BPIFB6: variants seen among roughly 807,000 people sequenced by gnomAD.
BPIFB6 encodes BPI fold containing family B member 6, also known as BPI fold-containing family B member 6.
Under a neutral mutation model 54.7 loss-of-function variants are expected in BPIFB6, and 47 were observed. The ratio of observed to expected loss-of-function variants is 0.86; its 90% confidence interval spans 0.68 to 1.10. BPIFB6 has a LOEUF of 1.10. BPIFB6 is among the 50% of genes least tolerant of loss of function. The pLI is 0.00. For synonymous variants in BPIFB6, 255 were observed against 225.9 expected (o/e 1.13, Z -1.16); for missense variants, 603 against 564.1 (o/e 1.07, Z -0.70).
rs1477177389 is a variant in BPIFB6, at chr20:33,039,514, A to G, written c.1068A>G (p.Leu356=). ...RSKAPMSLFL[L]EVHFNLKVQY... is the part of the protein sequence containing the mutation. The stretch of plus-strand genomic sequence containing the variant: ...AGGCTCCAATGTCCCTCTTTCTCCT[A>G]GAAGTGGTGAGGGAAATCGTTCCCT... The change falls in exon 10 of 15, where the codon CTA becomes CTG. Residue 356 remains leucine (L), a synonymous_variant. Transcript: ENST00000349552. The G allele has an allele frequency of 6.2e-7, 1 of 1,604,766 alleles. No homozygotes were observed. Among genetic ancestry groups the G allele is most frequent in the Non-Finnish European group, 8.5e-7 (1 of 1,176,070 alleles).
At chr20:33,034,338 T>C (rs371606185) in intron 3 of BPIFB6, 48 bp downstream of exon 3, 2 of 1,293,112 alleles carry the variant, frequency 1.5e-6, no homozygotes, top group Non-Finnish European at 2.3e-6. Context: ...GGCCTTCCTG[T>C]CTCATCCTTA....
chr20:33,043,955 C>G (rs1979699345), intron 14 of BPIFB6, 60 bp from the exon 15 acceptor site: 5 of 1,589,378 alleles, frequency 3.1e-6, no homozygotes, highest in Non-Finnish European at 4.3e-6. Flanking sequence ...CAGTTCCATT[C>G]CATCCCTGGG....
chr20:33,043,921 G>A (rs1979698168), intron 14 of BPIFB6, 94 bp from the exon 15 acceptor site: 1 of 1,493,914 alleles, frequency 6.7e-7, no homozygotes, highest in Non-Finnish European at 9.3e-7. Flanking sequence ...CACCACACTG[G>A]TTTCCATTTC....
intron 3 of BPIFB6, 64 bp downstream of exon 3, chr20:33,034,354 A>T (rs532990003): frequency 9.9e-6 from 11 of 1,110,762 alleles, no homozygotes; most frequent in Admixed American, 8.4e-5. Context: ...CCTTACATGC[A>T]CATATATTGA....
At chr20:33,039,003 G>T in intron 9 of BPIFB6, 41 bp downstream of exon 9, 1 of 1,602,634 alleles carries the variant, frequency 6.2e-7, no homozygotes, top group Non-Finnish European at 8.5e-7. Flanking sequence ...ACCCTGTCCT[G>T]CCCTATTGTC....
intron 9 of BPIFB6, 97 bp from the exon 10 acceptor site, chr20:33,039,250 C>A: frequency 7.8e-7 from 1 of 1,280,330 alleles, no homozygotes; most frequent in African/African-American, 1.5e-5. Context: ...TTCCTGTGTC[C>A]AACGTAGAAA....
rs957745775 is a variant in BPIFB6, at chr20:33,040,160, G to A, written c.1075-91G>A. On this transcript the variant is annotated intron_variant, in intron 10 of 14. Coordinates refer to ENST00000349552, the MANE Select transcript of BPIFB6 (RefSeq NM_174897.2). ...CCCCTGCTTTGTCTTGGCAATGGTG[G>A]TAGTGCTGGGAGGGTGGTGGTCTCT... 9.7e-6 allele frequency: 11 copies of A among 1,129,356 alleles called. 1 individual carries two copies. In the Admixed American group the frequency reaches 1.9e-4, roughly 20 times the overall value. 70.0% of individuals were successfully genotyped at this position (1,129,356 alleles called of 1,614,324 possible).
intron 1 of BPIFB6, 35 bp from the exon 2 acceptor site, chr20:33,032,949 G>C (rs1308572883): frequency 6.4e-7 from 1 of 1,564,026 alleles, no homozygotes; most frequent in Non-Finnish European, 8.8e-7. Context: ...GATTGGCCCA[G>C]GGAAAATCTC....
At chr20:33,034,508 G>A (rs1467250334) in intron 3 of BPIFB6, among the ~76,000 whole-genome samples, 1 of 152,166 alleles carries the variant, frequency 6.6e-6, no homozygotes, top group Non-Finnish European at 1.5e-5. Context: ...GGTGGCGGAT[G>A]GTCAGAAAAG....
chr20:33,036,679 G>A (rs1409208825), intron 7 of BPIFB6, 143 bp downstream of exon 7: 2 of 763,760 alleles, frequency 2.6e-6, no homozygotes, highest in Non-Finnish European at 4.5e-6. Flanking sequence ...ATGCCATGTG[G>A]GTGTTTGTGG....
intron 13 of BPIFB6, 134 bp downstream of exon 13, chr20:33,043,012 C>G (rs978800595): frequency 6.2e-6 from 5 of 804,074 alleles, no homozygotes; most frequent in Non-Finnish European, 1.0e-5. Context: ...AAGATAATTG[C>G]TGAATCTTTG....
intron 14 of BPIFB6, 110 bp from the exon 15 acceptor site, chr20:33,043,905 C>A (rs1305400950): frequency 4.6e-5 from 64 of 1,385,232 alleles, no homozygotes; most frequent in Non-Finnish European, 6.6e-5. Context: ...TCAACCTTTG[C>A]TTAACCACCA....
chr20:33,039,443 C>T lies in BPIFB6; in HGVS notation c.997C>T (p.His333Tyr). The change falls in exon 10 of 15, where the codon CAC becomes TAC. Residue 333 changes from histidine (H) to tyrosine (Y), a missense_variant. By Grantham distance (83) the His-to-Tyr change is moderately conservative. Transcript: ENST00000349552. ...VTMKTGKSLLHLHSTLEMFAA... is the reference protein window; with the variant it reads ...VTMKTGKSLLYLHSTLEMFAA... ...TATGAAGACAGGCAAGAGCCTGCTG[C>T]ACCTCCACAGCACCCTGGAGATGTT... The T allele has an allele frequency of 2.5e-6, 4 of 1,614,232 alleles. No individual in the cohort carries two copies. In the South Asian group the frequency reaches 4.4e-5, roughly 18 times the overall value.
intron 14 of BPIFB6, 42 bp downstream of exon 14, chr20:33,043,409 T>G (rs760153297): frequency 6.4e-7 from 1 of 1,565,190 alleles, no homozygotes; most frequent in African/African-American, 1.4e-5. Context: ...ATCAACACTG[T>G]CAGCCAGTGA....
intron 7 of BPIFB6, 123 bp downstream of exon 7, chr20:33,036,659 G>T: frequency 7.7e-6 from 7 of 912,278 alleles, no homozygotes; most frequent in Non-Finnish European, 1.1e-5. Flanking sequence ...CCCTCAAGCC[G>T]TGGAGGCCAA....
chr20:33,039,051 T>C, intron 9 of BPIFB6, 89 bp downstream of exon 9: 1 of 1,403,632 alleles, frequency 7.1e-7, no homozygotes, highest in Non-Finnish European at 1.0e-6. Flanking sequence ...GGAGACAGCT[T>C]TTCATGCCAC....
rs115994054 is a variant in BPIFB6, at chr20:33,038,672, T to C, written c.847-237T>C. ...CCCATTCTCCCATCTATCTTCCTGC[T>C]TTTTCATCCAACAACATTTTCTTAG... On this transcript the variant is annotated intron_variant, in intron 8 of 14. Transcript: ENST00000349552. Among the ~76,000 whole-genome samples the C allele has an allele frequency of 4.5e-3, 691 of 152,328 alleles. 4 individuals carry two copies. The highest frequency in any genetic ancestry group is 0.016 in the African/African-American group (650 of 41,578).
At chr20:33,035,537 C>CGT in intron 5 of BPIFB6, 75 bp from the exon 6 acceptor site, 1 of 1,487,800 alleles carries the variant, frequency 6.7e-7, no homozygotes, top group African/African-American at 1.4e-5. Context: ...TGGGATGGCC[C>CGT]GTGGTGTACC....
In BPIFB6 at chr20:33,042,846, A is replaced by G. The variant is rs754050692; in HGVS notation, c.1220A>G (p.Tyr407Cys). ...GAATTAACTGGCTTCATCACCAGCT[A>G]TCTCGAAGAAGCCTACATCCCAGTT... ...ERELTGFITS[Y>C]LEEAYIPVVN... is the part of the protein sequence containing the mutation. Residue 407 changes from tyrosine (Y) to cysteine (C), a missense_variant, in exon 13 of 15, where the codon TAT becomes TGT. Coordinates refer to ENST00000349552, the MANE Select transcript of BPIFB6 (RefSeq NM_174897.2). 3.7e-6 allele frequency: 6 copies of G among 1,614,194 alleles called. No homozygotes were observed. In the African/African-American group the frequency reaches 4.0e-5, roughly 11 times the overall value.
Sources: allele counts gnomAD v4.1 joint callset (sites outside exome capture counted in the v4.1 genomes callset), GRCh38; gene constraint gnomAD v4.1.1; transcripts MANE v1.5; gene names NCBI Gene and HGNC (gene_info 2026-07-23, HGNC 2026-07-21).